RB1: variants seen among roughly 807,000 people sequenced by gnomAD.
The protein encoded by RB1 is RB transcriptional corepressor 1, also known as retinoblastoma-associated protein.
RB1 carries 18 observed loss-of-function variants against 135.4 expected under a neutral mutation model. The ratio of observed to expected loss-of-function variants is 0.13; its 90% CI spans 0.09 to 0.20. The LOEUF is 0.20. Among genes scored for constraint, RB1 ranks in the 10% least tolerant of loss-of-function variants. The pLI is 1.00. For missense variants in RB1, 868 were observed against 1,110.0 expected (o/e 0.78, Z 3.10); for synonymous variants, 365 against 373.2 (o/e 0.98, Z 0.25).
chr13:48,377,789 T>G (rs1190931760), intron 13 of RB1, among the ~76,000 whole-genome samples: 1 of 152,124 alleles, frequency 6.6e-6, no homozygotes, highest in Non-Finnish European at 1.5e-5. Flanking sequence ...CCTGGTAGAG[T>G]GTGTCTGTAC....
chr13:48,449,964 G>A (rs937112565), intron 17 of RB1, among the ~76,000 whole-genome samples: 1 of 152,032 alleles, frequency 6.6e-6, no homozygotes, highest in Non-Finnish European at 1.5e-5. Context: ...TTTGAATGGA[G>A]TTGTTTGTTT....
In RB1 at chr13:48,363,011, T is replaced by C. The variant is rs907389529; in HGVS notation, c.861+54T>C. ...CAGTTAAAGTAGATTTAGATGTAAGTTCTCCCTAACAATATTTACTTCTTT... is the reference window on the plus strand; with the variant it reads ...CAGTTAAAGTAGATTTAGATGTAAGCTCTCCCTAACAATATTTACTTCTTT... On this transcript the variant is annotated intron_variant, in intron 8 of 26. Coordinates refer to ENST00000267163, the MANE Select transcript of RB1 (RefSeq NM_000321.3). The C allele has an allele frequency of 1.9e-4, 301 of 1,590,148 alleles. 2 individuals are homozygous for C. The highest frequency in any genetic ancestry group is 1.2e-3 in the Middle Eastern group (7 of 5,988).
chr13:48,331,438 A>G (rs1468474299), intron 2 of RB1, among the ~76,000 whole-genome samples: 4 of 152,284 alleles, frequency 2.6e-5, no homozygotes, highest in Non-Finnish European at 2.9e-5. Flanking sequence ...GAATGGATCA[A>G]TCTATTCATG....
intron 17 of RB1, among the ~76,000 whole-genome samples, chr13:48,437,563 G>A (rs957050094): frequency 6.6e-6 from 1 of 152,128 alleles, no homozygotes; most frequent in Non-Finnish European, 1.5e-5. Context: ...CACTGGGATT[G>A]GAGAGTCTAC....
intron 2 of RB1, among the ~76,000 whole-genome samples, chr13:48,321,968 T>C (rs115823570): frequency 0.017 from 2,650 of 152,338 alleles, 69 homozygotes; most frequent in African/African-American, 0.061. Context: ...GGATCCTTTG[T>C]TGGATGTATA....
At chr13:48,475,109 C>T (rs187041102) in intron 24 of RB1, among the ~76,000 whole-genome samples, 31 of 152,152 alleles carry the variant, frequency 2.0e-4, no homozygotes, top group African/African-American at 6.7e-4. Context: ...CTGGCTTCCA[C>T]GATACCCCGT....
intron 1 of RB1, among the ~76,000 whole-genome samples, chr13:48,304,475 C>T (rs1159348516): frequency 6.6e-6 from 1 of 152,132 alleles, no homozygotes; most frequent in East Asian, 1.9e-4. Flanking sequence ...TCACGCGATG[C>T]AACAGTTGGG....
In RB1 at chr13:48,319,079, C is replaced by T. The variant is rs2138052780; in HGVS notation, c.264+11673C>T. On this transcript the variant is annotated intron_variant, in intron 2 of 26. Transcript: ENST00000267163. The surrounding 1 kb of genome is among the most constrained non-coding windows in gnomAD (Gnocchi z 5.0). ...GGACGTGTCTGCCTGGCACGAGGAC[C>T]GTTCTACAAACTCGTTCCTGGAAGC... 1.6e-6 allele frequency: 1 copy of T among 614,860 alleles called. No individual in the cohort carries two copies. Among genetic ancestry groups the T allele is most frequent in the Non-Finnish European group, 3.0e-6 (1 of 331,256 alleles). 38.1% of individuals were successfully genotyped at this position (614,860 alleles called of 1,614,324 possible). A position where few individuals can be genotyped will look rare whatever the true frequency, so the allele number is the denominator to read the frequency against.
intron 5 of RB1, 53 bp from the exon 6 acceptor site, chr13:48,348,903 C>G (rs2138093246): frequency 6.4e-7 from 1 of 1,569,970 alleles, no homozygotes; most frequent in South Asian, 1.2e-5. Context: ...GGAAAACTTT[C>G]TTTCAGTGAT....
intron 4 of RB1, among the ~76,000 whole-genome samples, chr13:48,346,939 G>T (rs1952503952): frequency 6.6e-6 from 1 of 151,512 alleles, no homozygotes; most frequent in East Asian, 1.9e-4. Context: ...AGTACTTTAA[G>T]ATCTATAATC....
chr13:48,350,549 G>A (rs1242166957), intron 6 of RB1, among the ~76,000 whole-genome samples: 3 of 152,214 alleles, frequency 2.0e-5, no homozygotes, highest in Admixed American at 1.3e-4. Context: ...AGCTGTAAGT[G>A]CCTACATCCC....
Position 48,425,621 on chromosome 13 carries a change from G to A in RB1, c.1696-27372G>A, listed in dbSNP as rs181271366. ...GAGCCCCACCTACTCAGGAGGCAGAGGTAGGAGGATCTCTTGAGCCCAGGA... is the reference window on the plus strand; with the variant it reads ...GAGCCCCACCTACTCAGGAGGCAGAAGTAGGAGGATCTCTTGAGCCCAGGA... On this transcript the variant is annotated intron_variant, in intron 17 of 26. Transcript: ENST00000267163. Among the ~76,000 whole-genome samples, 339 of 152,214 alleles carry A rather than the reference G, an allele frequency of 2.2e-3. 7 individuals carry two copies. The highest frequency in any genetic ancestry group is 0.021 in the Admixed American group (319 of 15,294).
chr13:48,338,618 G>T (rs1165157608), intron 2 of RB1, among the ~76,000 whole-genome samples: 5 of 152,158 alleles, frequency 3.3e-5, no homozygotes, highest in African/African-American at 9.7e-5. Context: ...TTTATGTTGG[G>T]TTAGAACTTC....
At chr13:48,456,384 T>C (rs1275572494) in intron 19 of RB1, 35 bp downstream of exon 19, 4 of 1,610,156 alleles carry the variant, frequency 2.5e-6, no homozygotes, top group Admixed American at 1.7e-5. Context: ...GCATGGACTC[T>C]GAAACTAGGC....
At chr13:48,360,387 A>G (rs1403073313) in intron 7 of RB1, 2 of 496,782 alleles carry the variant, frequency 4.0e-6, no homozygotes, top group Non-Finnish European at 6.4e-6. Context: ...CCAGCTGTGG[A>G]AGACCAAAGA....
At chr13:48,396,726 G>C (rs982121279) in intron 17 of RB1, among the ~76,000 whole-genome samples, 15 of 152,082 alleles carry the variant, frequency 9.9e-5, no homozygotes, top group Non-Finnish European at 1.6e-4. Context: ...CAGAATGGGA[G>C]AAAATTTTTG....
intron 24 of RB1, among the ~76,000 whole-genome samples, chr13:48,475,628 T>A (rs936690991): frequency 6.6e-6 from 1 of 152,208 alleles, no homozygotes; most frequent in South Asian, 2.1e-4. Flanking sequence ...ACTTTTGGCA[T>A]ATTATTTTGG....
chr13:48,409,109 G>T, intron 17 of RB1, among the ~76,000 whole-genome samples: 1 of 149,636 alleles, frequency 6.7e-6, no homozygotes. Context: ...AAGGACCATG[G>T]TTAGTATCTT....
chr13:48,378,254 T>C (rs1256051769), intron 13 of RB1, among the ~76,000 whole-genome samples: 1 of 152,194 alleles, frequency 6.6e-6, no homozygotes, highest in Non-Finnish European at 1.5e-5. Context: ...AACTTTTGAC[T>C]CTTATAACAC....
Sources: gnomAD v4.1 joint callset for allele counts (sites outside exome capture counted in the v4.1 genomes callset) on GRCh38, gnomAD v4.1.1 for gene constraint, Gnocchi (gnomAD v3.1) non-coding constraint, MANE v1.5 for transcripts, NCBI Gene and HGNC (gene_info 2026-07-23, HGNC 2026-07-21) for gene names.